GRM8: variants seen among roughly 807,000 people sequenced by gnomAD.
GRM8 encodes metabotropic glutamate receptor 8.
A neutral mutation model predicts 87.2 loss-of-function variants in GRM8; 47 were observed. That is an observed-to-expected ratio of 0.54 (90% confidence interval 0.43 to 0.69). The LOEUF is 0.69. Ranked by LOEUF, GRM8 falls within the 30% of genes least tolerant of loss-of-function variation. The probability of loss-of-function intolerance (pLI) is 0.00; values close to 1 mark genes in which losing one functional copy is unlikely to be tolerated. For synonymous variants in GRM8, 396 were observed against 404.5 expected (o/e 0.98, Z 0.25); for missense variants, 1,019 against 1,139.2 (o/e 0.89, Z 1.52).
chr7:127,084,486 T>C (rs1048278773), intron 3 of GRM8: 1 of 152,166 alleles, frequency 6.6e-6, no homozygotes, highest in Admixed American at 6.5e-5. Flanking sequence ...AAATAACACA[T>C]AAAACCACAG....
chr7:126,573,253 AT>A (rs1290523556), intron 8 of GRM8, among the ~76,000 whole-genome samples: 2 of 152,200 alleles, frequency 1.3e-5, no homozygotes, highest in African/African-American at 4.8e-5. Flanking sequence ...AAATTTTATT[AT>A]TCTCACAGGA....
chr7:126,826,695 T>C (rs1320451510), intron 6 of GRM8, among the ~76,000 whole-genome samples: 2 of 152,224 alleles, frequency 1.3e-5, no homozygotes, highest in African/African-American at 2.4e-5. Context: ...TAGTTTCTTT[T>C]GCTGTGCAGT....
chr7:127,162,923 C>G (rs1310811549), intron 2 of GRM8, among the ~76,000 whole-genome samples: 1 of 152,116 alleles, frequency 6.6e-6, no homozygotes, highest in Non-Finnish European at 1.5e-5. Context: ...ACCAAAATAT[C>G]TAACTCTACT....
At chr7:126,644,141 C>A (rs567956137) in intron 7 of GRM8, among the ~76,000 whole-genome samples, 10 of 152,278 alleles carry the variant, frequency 6.6e-5, no homozygotes, top group African/African-American at 2.4e-4. Flanking sequence ...AAAATTTGTC[C>A]TTCAGTGCTA....
chr7:126,759,319 G>C, intron 7 of GRM8, among the ~76,000 whole-genome samples: 1 of 151,992 alleles, frequency 6.6e-6, no homozygotes, highest in Non-Finnish European at 1.5e-5. Flanking sequence ...TCTTTCTGAA[G>C]CAAAATACTG....
At chr7:126,818,616 A>C (rs146570546) in intron 6 of GRM8, among the ~76,000 whole-genome samples, 1 of 152,224 alleles carries the variant, frequency 6.6e-6, no homozygotes, top group African/African-American at 2.4e-5. Flanking sequence ...AAATGCTCTG[A>C]GTCATACATT....
At chr7:126,991,768 G>A (rs1812679893) in intron 3 of GRM8, among the ~76,000 whole-genome samples, 1 of 152,158 alleles carries the variant, frequency 6.6e-6, no homozygotes, top group Non-Finnish European at 1.5e-5. Context: ...TAGAGGGAAA[G>A]TGTATGGTCT....
At chr7:127,212,673 T>C (rs1409131742) in intron 2 of GRM8, among the ~76,000 whole-genome samples, 1 of 152,112 alleles carries the variant, frequency 6.6e-6, no homozygotes, top group African/African-American at 2.4e-5. Flanking sequence ...CGCCTCGGCC[T>C]CCCAAAGTGC....
intron 2 of GRM8, among the ~76,000 whole-genome samples, chr7:127,147,148 A>G (rs1828597104): frequency 6.6e-6 from 1 of 152,026 alleles, no homozygotes; most frequent in Admixed American, 6.6e-5. Context: ...CACTAGATTC[A>G]ACAATATTGA....
At chr7:127,054,662 A>C (rs2132522547) in intron 3 of GRM8, among the ~76,000 whole-genome samples, 1 of 152,336 alleles carries the variant, frequency 6.6e-6, no homozygotes, top group South Asian at 2.1e-4. Flanking sequence ...ACCTGGAAAA[A>C]GAATTGAGCC....
intron 7 of GRM8, among the ~76,000 whole-genome samples, chr7:126,614,206 G>A (rs190259999): frequency 2.6e-5 from 4 of 152,204 alleles, no homozygotes; most frequent in African/African-American, 7.2e-5. Context: ...AGGCAGCATC[G>A]TTTGCTGTTC....
rs267601267 is a variant in GRM8 at position 126,533,315 on chromosome 7, G to A, written c.2067C>T (p.Phe689=). 50 of 1,613,738 alleles carry A rather than the reference G, an allele frequency of 3.1e-5. No individual in the cohort carries two copies. Among genetic ancestry groups the A allele is most frequent in the Non-Finnish European group, 4.2e-5 (50 of 1,179,862 alleles). ...QGKKSVTAPK[F]ISPASQLVIT... ...TCACCAGCTGAGATGCTGGACTAAT[G>A]AACTTGGGCGCTGTGACAGATTTCT... Residue 689 remains phenylalanine, a synonymous_variant, in exon 9 of 11, where the codon TTC becomes TTT. Transcript: ENST00000339582.
intron 7 of GRM8, among the ~76,000 whole-genome samples, chr7:126,736,167 A>C (rs1814194176): frequency 6.6e-6 from 1 of 152,052 alleles, no homozygotes; most frequent in South Asian, 2.1e-4. Flanking sequence ...ACCAGGGGCC[A>C]GGAAATCCTC....
At chr7:126,622,782 A>G (rs1381173870) in intron 7 of GRM8, among the ~76,000 whole-genome samples, 2 of 152,208 alleles carry the variant, frequency 1.3e-5, no homozygotes, top group East Asian at 3.9e-4. Flanking sequence ...CTACTGCTTC[A>G]TTTTTCACTC....
At chr7:126,901,167 A>G (rs1445265941) in intron 6 of GRM8, among the ~76,000 whole-genome samples, 1 of 152,072 alleles carries the variant, frequency 6.6e-6, no homozygotes, top group African/African-American at 2.4e-5. Flanking sequence ...TACTTTGAAC[A>G]AAAGAGCCTT....
chr7:126,445,460 A>G (rs1801916870), intron 10 of GRM8: 1 of 152,276 alleles, frequency 6.6e-6, no homozygotes. Flanking sequence ...TGGACTGTAG[A>G]GACGAAAATA....
chr7:126,978,948 C>T (rs377506582), intron 3 of GRM8, among the ~76,000 whole-genome samples: 9 of 152,114 alleles, frequency 5.9e-5, no homozygotes, highest in African/African-American at 1.9e-4. Flanking sequence ...CTATACTGGC[C>T]GACTTTGGGA....
Position 126,769,934 on chromosome 7 carries a change from G to A in GRM8, c.1288C>T (p.Leu430Phe), listed in dbSNP as rs75863532. The A allele has an allele frequency of 3.4e-5, 55 of 1,612,838 alleles. No homozygotes were observed. The highest frequency in any genetic ancestry group is 1.8e-4 in the Admixed American group (11 of 59,874). The change falls in exon 7 of 11, where the codon CTT becomes TTT. Residue 430 changes from leucine to phenylalanine, a missense_variant. By Grantham distance (22) the Leu-to-Phe change is conservative. Transcript: ENST00000339582. The stretch of plus-strand genomic sequence containing the variant: ...TCAATGGTACTCATTCGTGGACAAA[G>A]GCCAATGTATCCAGGGCAGAGATCT... ...HKDLCPGYIG[L>F]CPRMSTIDGK... is the part of the protein sequence containing the mutation.
intron 9 of GRM8, among the ~76,000 whole-genome samples, chr7:126,508,570 T>A (rs1810850941): frequency 6.6e-6 from 1 of 152,030 alleles, no homozygotes; most frequent in African/African-American, 2.4e-5. Context: ...AATAAATGAA[T>A]GAGATTTGTT....
Sources: allele counts gnomAD v4.1 joint callset (sites outside exome capture counted in the v4.1 genomes callset), GRCh38; gene constraint gnomAD v4.1.1; transcripts MANE v1.5; gene names NCBI Gene and HGNC (gene_info 2026-07-23, HGNC 2026-07-21).